The following DCUN1D4 variants were observed in gnomAD, a reference collection of about 807,000 sequenced individuals.
DCUN1D4 encodes defective in cullin neddylation 1 domain containing 4.
DCUN1D4 carries 22 observed loss-of-function variants against 47.9 expected under a neutral mutation model. The ratio of observed to expected loss-of-function variants is 0.46; its 90% CI spans 0.33 to 0.66. The LOEUF is 0.66. Among genes scored for constraint, DCUN1D4 ranks in the 30% least tolerant of loss-of-function variants. The pLI is 0.02. For missense variants in DCUN1D4, 301 were observed against 340.8 expected (o/e 0.88, Z 0.92); for synonymous variants, 121 against 112.2 (o/e 1.08, Z -0.50).
chr4:51,871,304 GAGAA>G (rs1241567132), intron 3 of DCUN1D4, among the ~76,000 whole-genome samples: 1 of 152,082 alleles, frequency 6.6e-6, no homozygotes, highest in East Asian at 1.9e-4. Flanking sequence ...AGAAACATAA[GAGAA>G]AGCTGAAAAT....
intron 3 of DCUN1D4, among the ~76,000 whole-genome samples, chr4:51,865,992 G>A (rs910504869): frequency 2.0e-5 from 3 of 152,110 alleles, no homozygotes; most frequent in Admixed American, 6.6e-5. Context: ...GAGTTCAGAG[G>A]GGTTGGGCTT....
chr4:51,890,361 T>G (rs1034123618), intron 6 of DCUN1D4, among the ~76,000 whole-genome samples: 1 of 152,248 alleles, frequency 6.6e-6, no homozygotes, highest in Non-Finnish European at 1.5e-5. Flanking sequence ...TGAATGGTTC[T>G]TTCAGTAGCT....
intron 3 of DCUN1D4, among the ~76,000 whole-genome samples, chr4:51,870,648 T>C (rs1426266256): frequency 5.8e-4 from 89 of 152,226 alleles, no homozygotes; most frequent in Non-Finnish European, 1.5e-4. Flanking sequence ...CTGCTGAGTA[T>C]GCACAAGTGA....
chr4:51,861,888 G>A (rs1469805788), intron 1 of DCUN1D4, among the ~76,000 whole-genome samples: 6 of 152,004 alleles, frequency 3.9e-5, no homozygotes, highest in Non-Finnish European at 8.8e-5. Context: ...TCTTGCTGGT[G>A]AGAGGGCTGT....
intron 1 of DCUN1D4, among the ~76,000 whole-genome samples, chr4:51,861,989 A>G (rs1293722668): frequency 3.3e-5 from 5 of 152,238 alleles, no homozygotes; most frequent in Non-Finnish European, 7.3e-5. Context: ...ACCTCTGTGC[A>G]GTCGTATTTA....
intron 1 of DCUN1D4, among the ~76,000 whole-genome samples, chr4:51,846,875 T>A (rs1219587433): frequency 6.6e-6 from 1 of 152,230 alleles, no homozygotes; most frequent in Non-Finnish European, 1.5e-5. Flanking sequence ...TTGCCTCATG[T>A]TTGCAGTATG....
At position 51,915,593 on chromosome 4, in the gene DCUN1D4, T is replaced by C. The variant is rs17611623; in HGVS notation, c.*2009T>C. On this transcript the variant is annotated 3_prime_UTR_variant, in exon 11 of 11. Transcript: ENST00000334635. ...TCCATAAAGTTAAAAAGTTACACTT[T>C]AAAGGCAACAGGTCATACAGTTCTT... is the stretch of plus-strand genomic sequence containing the variant. 56,246 of 152,418 alleles carry C rather than the reference T, an allele frequency of 0.37. 12,219 individuals carry two copies. Among genetic ancestry groups the C allele is most frequent in the East Asian group, 0.6 (3,104 of 5,160 alleles). 9.4% of individuals were successfully genotyped at this position (152,418 alleles called of 1,614,324 possible). A position where few individuals can be genotyped will look rare whatever the true frequency, so the allele number is the denominator to read the frequency against.
At chr4:51,864,797 A>G (rs1392586516) in intron 3 of DCUN1D4, among the ~76,000 whole-genome samples, 1 of 152,206 alleles carries the variant, frequency 6.6e-6, no homozygotes, top group Non-Finnish European at 1.5e-5. Context: ...TTGGAGGGGC[A>G]CAAACTTTCA....
Position 51,913,406 on chromosome 4 carries a change from C to G in DCUN1D4, c.823+14C>G. The G allele has an allele frequency of 6.2e-7, 1 of 1,600,448 alleles. No individual in the cohort carries two copies. The highest frequency in any genetic ancestry group is 8.6e-7 in the Non-Finnish European group (1 of 1,168,616). Reference sequence around the variant, plus strand: ...AAGATGGAGCATGTAAGTACTGCCGCTACCATTCTGCCATTCGTGTACATT... The same window carrying G: ...AAGATGGAGCATGTAAGTACTGCCGGTACCATTCTGCCATTCGTGTACATT... On this transcript the variant is annotated intron_variant, in intron 10 of 10. Coordinates refer to ENST00000334635, the MANE Select transcript of DCUN1D4 (RefSeq NM_001040402.3).
chr4:51,844,981 G>A, intron 1 of DCUN1D4: 2 of 985,406 alleles, frequency 2.0e-6, no homozygotes, highest in Non-Finnish European at 2.4e-6. Context: ...TTCTCCCTTG[G>A]GAGAGGGAGA....
At chr4:51,899,493 C>T in intron 8 of DCUN1D4, 115 bp downstream of exon 8, 2 of 1,473,474 alleles carry the variant, frequency 1.4e-6, no homozygotes, top group Non-Finnish European at 1.8e-6. Flanking sequence ...AGTTAACTCC[C>T]AGGATGCTAG....
At chr4:51,910,260 T>C (rs1431647617) in intron 8 of DCUN1D4, among the ~76,000 whole-genome samples, 1 of 152,184 alleles carries the variant, frequency 6.6e-6, no homozygotes, top group Non-Finnish European at 1.5e-5. Context: ...TGGAAGCATA[T>C]AAGAAAGACG....
chr4:51,914,008 GA>G lies in DCUN1D4; in HGVS notation c.*428del, dbSNP rs373897586. 1.8e-4 allele frequency: 28 copies of G among 156,420 alleles called. No homozygotes were observed. The East Asian group carries it at 5.1e-3, about 28-fold the overall frequency. The allele number at this position is 156,420 out of a possible 1,614,324, so 9.7% of individuals were successfully genotyped here. Reference sequence around the variant, plus strand: ...CTATGTAGCATTTCAGAAAACAAGAGAAAACTGTTACCATGAACAAACATTG... The same window carrying G: ...CTATGTAGCATTTCAGAAAACAAGAGAAACTGTTACCATGAACAAACATTG... On this transcript the variant is annotated 3_prime_UTR_variant, in exon 11 of 11. Transcript: ENST00000334635.
chr4:51,885,211 A>C (rs1241648776), intron 5 of DCUN1D4, among the ~76,000 whole-genome samples: 1 of 152,170 alleles, frequency 6.6e-6, no homozygotes, highest in South Asian at 2.1e-4. Flanking sequence ...GGCTGTTTGC[A>C]GGATGGGTCG....
At chr4:51,843,047 A>C, upstream of DCUN1D4, 14 of 1,374,394 alleles carry the variant, frequency 1.0e-5, no homozygotes, top group Non-Finnish European at 1.2e-5. Context: ...CGCTATGGGC[A>C]CTCCTTTTGT....
intron 1 of DCUN1D4, among the ~76,000 whole-genome samples, chr4:51,849,185 A>C (rs369126335): frequency 1.6e-4 from 24 of 152,316 alleles, no homozygotes; most frequent in African/African-American, 5.3e-4. Flanking sequence ...CTTCTCAGAC[A>C]CACTCGCCTG....
At position 51,843,211 on chromosome 4, in the gene DCUN1D4, T is replaced by C; in HGVS notation, c.-32T>C. 1 of 1,538,816 alleles carries C rather than the reference T, an allele frequency of 6.5e-7. No individual in the cohort carries two copies. The highest frequency in any genetic ancestry group is 1.9e-4 in the Middle Eastern group (1 of 5,326). On this transcript the variant is annotated 5_prime_UTR_variant, in exon 1 of 11. Transcript: ENST00000334635. ...GGACCGCGAGGCGAGCGCGGGAGCC[T>C]GGGCGGCGAGCCGGGTGTGAGCTGC...
At chr4:51,895,099 C>T (rs1731032360) in intron 7 of DCUN1D4, among the ~76,000 whole-genome samples, 1 of 151,870 alleles carries the variant, frequency 6.6e-6, no homozygotes, top group South Asian at 2.1e-4. Context: ...CACAAAGGCA[C>T]CACTTTTTGA....
intron 5 of DCUN1D4, among the ~76,000 whole-genome samples, chr4:51,883,527 A>C (rs1729010789): frequency 6.6e-6 from 1 of 152,206 alleles, no homozygotes; most frequent in Admixed American, 6.5e-5. Flanking sequence ...GTCAAGAATG[A>C]GATAAGAATG....
Sources: gnomAD v4.1 joint callset for allele counts (sites outside exome capture counted in the v4.1 genomes callset) on GRCh38, gnomAD v4.1.1 for gene constraint, MANE v1.5 for transcripts, NCBI Gene and HGNC (gene_info 2026-07-23, HGNC 2026-07-21) for gene names.